SURF6: variants seen among roughly 807,000 people sequenced by gnomAD.
The protein encoded by SURF6 is surfeit 6.
SURF6 carries 28 observed loss-of-function variants against 37.5 expected under a neutral mutation model. That is an observed-to-expected ratio of 0.75 (90% confidence interval 0.55 to 1.02). The LOEUF is 1.02. Ranked by LOEUF, SURF6 falls within the 50% of genes least tolerant of loss-of-function variation. The probability of loss-of-function intolerance (pLI) is 0.00; values close to 1 mark genes in which losing one functional copy is unlikely to be tolerated. For missense variants in SURF6, 560 were observed against 490.5 expected, an observed-to-expected ratio of 1.14 and a Z score of -1.34; for synonymous variants, 248 against 210.9, an observed-to-expected ratio of 1.18 and a Z score of -1.52.
Position 133,331,614 on chromosome 9 carries a change from A to AG in SURF6, c.*254dup. 2.3e-6 allele frequency: 1 copy of AG among 435,820 alleles called. No homozygotes were observed. Among genetic ancestry groups the AG allele is most frequent in the Non-Finnish European group, 3.8e-6 (1 of 262,418 alleles). 27.0% of individuals were successfully genotyped at this position (435,820 alleles called of 1,614,324 possible). A position where few individuals can be genotyped will look rare whatever the true frequency, so the allele number is the denominator to read the frequency against. Reference sequence around the variant, plus strand: ...GCTTTCAGGCCCGGGAAAGCAGACCAGGCCCCAGTCTCCCTCACCCTTTCC... The same window carrying AG: ...GCTTTCAGGCCCGGGAAAGCAGACCAGGGCCCCAGTCTCCCTCACCCTTTCC... On this transcript the variant is annotated 3_prime_UTR_variant, in exon 5 of 5. Transcript: ENST00000372022.
chr9:133,332,642 GC>G lies in SURF6; in HGVS notation c.511del (p.Ala171LeufsTer28). ...CTCCTGGGCCTCCGTGGCCTCCTCAGCCTTCCTGGCCTTCTCTTTCGCCCGC... is the reference window on the plus strand; with the variant it reads ...CTCCTGGGCCTCCGTGGCCTCCTCAGCTTCCTGGCCTTCTCTTTCGCCCGC... ...ELRAKEKARK[A>X]EEATEAQEVV... On this transcript the variant is annotated frameshift_variant, in exon 4 of 5. Transcript: ENST00000372022. LOFTEE classifies it high-confidence loss of function. The G allele has an allele frequency of 6.2e-7, 1 of 1,611,578 alleles. No homozygotes were observed. Among genetic ancestry groups the G allele is most frequent in the Non-Finnish European group, 8.5e-7 (1 of 1,179,990 alleles).
rs1835823923 is a variant in SURF6, at chr9:133,334,488, A to C, written c.208T>G (p.Leu70Val). 1 of 1,614,096 alleles carries C rather than the reference A, an allele frequency of 6.2e-7. No homozygotes were observed. The highest frequency in any genetic ancestry group is 2.2e-5 in the East Asian group (1 of 44,892). The change falls in exon 2 of 5, where the codon TTG becomes GTG. Residue 70 changes from leucine to valine, a missense_variant. Leu to Val is a conservative substitution (Grantham distance 32). Transcript: ENST00000372022. ...EKAAEHKAKS[L>V]GEKSPAASGA... ...GAGGCTGCTGGAGATTTCTCCCCCAAGGACTTGGCCTTGTGCTCAGCAGCC... is the reference window on the plus strand; with the variant it reads ...GAGGCTGCTGGAGATTTCTCCCCCACGGACTTGGCCTTGTGCTCAGCAGCC...
chr9:133,334,856 T>A (rs1451141674), intron 1 of SURF6, among the ~76,000 whole-genome samples: 1 of 152,152 alleles, frequency 6.6e-6, no homozygotes, highest in Non-Finnish European at 1.5e-5. Flanking sequence ...AAAACCTGAA[T>A]ATCCACCTCC....
intron 1 of SURF6, among the ~76,000 whole-genome samples, chr9:133,335,270 T>G (rs919355808): frequency 1.3e-5 from 2 of 151,700 alleles, no homozygotes; most frequent in Non-Finnish European, 2.9e-5. Context: ...TGTTTACATT[T>G]TAAATGGGAG....
chr9:133,331,135 G>T lies in SURF6; in HGVS notation c.*734C>A, dbSNP rs2129908858. 16,560 of 152,168 alleles carry T rather than the reference G, an allele frequency of 0.11. 1,494 individuals are homozygous for T. Among genetic ancestry groups the T allele is most frequent in the African/African-American group, 0.25 (10,412 of 41,462 alleles). 9.4% of individuals were successfully genotyped at this position (152,168 alleles called of 1,614,324 possible). ...GGATTTAATTCTTCCATCCCACTTT[G>T]TATCTTGCATTCACTTCACTCTCTC... On this transcript the variant is annotated 3_prime_UTR_variant, in exon 5 of 5. Transcript: ENST00000372022.
Position 133,331,230 on chromosome 9 carries a change from C to T in SURF6, c.*639G>A, listed in dbSNP as rs947750185. 2.0e-5 allele frequency: 3 copies of T among 152,254 alleles called. No homozygotes were observed. The highest frequency in any genetic ancestry group is 4.4e-5 in the Non-Finnish European group (3 of 68,074). 9.4% of individuals were successfully genotyped at this position (152,254 alleles called of 1,614,324 possible). ...TTGACCCAACTCACATGCGTGGACT[C>T]CGGGAAGGTACTGCTCCCTCCCTCC... On this transcript the variant is annotated 3_prime_UTR_variant, in exon 5 of 5. Transcript: ENST00000372022.
rs2129934088 is a variant in SURF6 at position 133,336,102 on chromosome 9, G to A, written c.31C>T (p.Leu11=). 1 of 1,612,870 alleles carries A rather than the reference G, an allele frequency of 6.2e-7. No homozygotes were observed. Among genetic ancestry groups the A allele is most frequent in the South Asian group, 1.1e-5 (1 of 91,040 alleles). ...CAGATCTTCTTGGCCAGGCTCTGCA[G>A]GTAGGCGTCCTTGGCGAGTAGAGAG... is the stretch of plus-strand genomic sequence containing the variant. MASLLAKDAY[L]QSLAKKICSH... The change falls in exon 1 of 5, where the codon CTG becomes TTG. Residue 11 remains leucine (L), a synonymous_variant. Transcript: ENST00000372022.
Position 133,332,621 on chromosome 9 carries a change from T to A in SURF6, c.533A>T (p.Gln178Leu). 1 of 1,611,060 alleles carries A rather than the reference T, an allele frequency of 6.2e-7. No individual in the cohort carries two copies. The highest frequency in any genetic ancestry group is 8.5e-7 in the Non-Finnish European group (1 of 1,179,990). The stretch of plus-strand genomic sequence containing the variant: ...CTCTGGGGTTGCCTCCACCACCTCC[T>A]GGGCCTCCGTGGCCTCCTCAGCCTT... ...ARKAEEATEA[Q>L]EVVEATPEGA... Residue 178 changes from glutamine to leucine, a missense_variant, in exon 4 of 5, where the codon CAG (glutamine) becomes CTG (leucine). Transcript: ENST00000372022.
At position 133,331,965 on chromosome 9, in the gene SURF6, G is replaced by C. The variant is rs2129913249; in HGVS notation, c.990C>G (p.Arg330=). The change falls in exon 5 of 5, where the codon CGC becomes CGG. Residue 330 remains arginine (R), a synonymous_variant. Transcript: ENST00000372022. ...QRQDRRRQNL[R]RKKAARAERR... Reference sequence around the variant, plus strand: ...GCTCGGCGCGGGCCGCCTTCTTCCTGCGCAGGTTCTGCCGCCGCCGGTCCT... The same window carrying C: ...GCTCGGCGCGGGCCGCCTTCTTCCTCCGCAGGTTCTGCCGCCGCCGGTCCT... The C allele has an allele frequency of 6.3e-7, 1 of 1,595,428 alleles. No homozygotes were observed. The highest frequency in any genetic ancestry group is 1.7e-5 in the Admixed American group (1 of 59,526).
At chr9:133,333,026 A>G (rs1416480939) in intron 3 of SURF6, 18 of 537,014 alleles carry the variant, frequency 3.4e-5, no homozygotes, top group Non-Finnish European at 5.0e-5. Context: ...ATGGTTTCAA[A>G]TGTCATACAT....
intron 2 of SURF6, 65 bp downstream of exon 2, chr9:133,334,327 G>T: frequency 6.8e-7 from 1 of 1,478,046 alleles, no homozygotes. Context: ...GAGCAAAGGG[G>T]ACCAAGCCCA....
chr9:133,332,330 C>A lies in SURF6; in HGVS notation c.625G>T (p.Glu209Ter), dbSNP rs139996844. 4.4e-6 allele frequency: 7 copies of A among 1,582,028 alleles called. No individual in the cohort carries two copies. The East Asian group carries it at 1.6e-4, about 36-fold the overall frequency. ...CTGCGCTGCGCCTTGCTGGCCGGCTCGTCTTCGCTCACCTCCACCTGGGAG... is the reference window on the plus strand; with the variant it reads ...CTGCGCTGCGCCTTGCTGGCCGGCTAGTCTTCGCTCACCTCCACCTGGGAG... ...IFNKVEVSED[E>*]PASKAQRRKE... The change falls in exon 5 of 5, where the codon GAG (glutamate) becomes TAG (stop). Residue 209 changes from glutamate to a stop codon, truncating the protein, a stop_gained. Coordinates refer to ENST00000372022, the MANE Select transcript of SURF6 (RefSeq NM_006753.6). LOFTEE classifies it high-confidence loss of function.
Position 133,331,750 on chromosome 9 carries a change from C to T in SURF6, c.*119G>A, listed in dbSNP as rs1011528259. 2.3e-6 allele frequency: 3 copies of T among 1,326,332 alleles called. No homozygotes were observed. The highest frequency in any genetic ancestry group is 5.5e-5 in the East Asian group (2 of 36,664). 82.2% of individuals were successfully genotyped at this position (1,326,332 alleles called of 1,614,324 possible). ...ACAACTCAGCAGAGCACCACTGTGTCCCCCTCACATGGAGAGGCCGAGGTC... is the reference window on the plus strand; with the variant it reads ...ACAACTCAGCAGAGCACCACTGTGTTCCCCTCACATGGAGAGGCCGAGGTC... On this transcript the variant is annotated 3_prime_UTR_variant, in exon 5 of 5. Transcript: ENST00000372022.
At position 133,329,690 on chromosome 9, in the gene SURF6, AAACT is replaced by A. The variant is rs1835677148; in HGVS notation, c.*2175_*2178del. 1 of 152,422 alleles carries A rather than the reference AAACT, an allele frequency of 6.6e-6. No individual in the cohort carries two copies. The highest frequency in any genetic ancestry group is 1.9e-4 in the East Asian group (1 of 5,200). The allele number at this position is 152,422 out of a possible 1,614,324, so 9.4% of individuals were successfully genotyped here. On this transcript the variant is annotated 3_prime_UTR_variant, in exon 5 of 5. Transcript: ENST00000372022. ...TATTGGAATAAAAGGTAATTGCTAC[AAACT>A]AATGATTAATGATATTCATATGTAA...
chr9:133,331,296 A>C lies in SURF6; in HGVS notation c.*573T>G. 6.6e-6 allele frequency: 1 copy of C among 151,394 alleles called. No homozygotes were observed. The highest frequency in any genetic ancestry group is 1.5e-5 in the Non-Finnish European group (1 of 67,334). 9.4% of individuals were successfully genotyped at this position (151,394 alleles called of 1,614,324 possible). Reference sequence around the variant, plus strand: ...AAATGCCGCCCCGGGGCACTGGGGAACAGAAAGGAATGAGACCCCAACAGG... The same window carrying C: ...AAATGCCGCCCCGGGGCACTGGGGACCAGAAAGGAATGAGACCCCAACAGG... On this transcript the variant is annotated 3_prime_UTR_variant, in exon 5 of 5. Coordinates refer to ENST00000372022, the MANE Select transcript of SURF6 (RefSeq NM_006753.6).
In SURF6 at chr9:133,330,947, T is replaced by G. The variant is rs1042914125; in HGVS notation, c.*922A>C. 11 of 152,234 alleles carry G rather than the reference T, an allele frequency of 7.2e-5. No homozygotes were observed. Among genetic ancestry groups the G allele is most frequent in the Non-Finnish European group, 5.9e-5 (4 of 68,044 alleles). The allele number at this position is 152,234 out of a possible 1,614,324, so 9.4% of individuals were successfully genotyped here. ...TCACAGGGCTTTTTCATCAGTTGCCTCTGTCTGGTAACAGTCACACCAGCT... is the reference window on the plus strand; with the variant it reads ...TCACAGGGCTTTTTCATCAGTTGCCGCTGTCTGGTAACAGTCACACCAGCT... On this transcript the variant is annotated 3_prime_UTR_variant, in exon 5 of 5. Coordinates refer to ENST00000372022, the MANE Select transcript of SURF6 (RefSeq NM_006753.6).
rs2129914617 is a variant in SURF6 at position 133,332,063 on chromosome 9, TCTC to T, written c.889_891del (p.Glu297del). On this transcript the variant is annotated inframe_deletion, in exon 5 of 5. Coordinates refer to ENST00000372022, the MANE Select transcript of SURF6 (RefSeq NM_006753.6). ...CGGCGCTGCCGCTGCGCCCTGCGCTTCTCCTTGCGCTTCAGGGCCTCCTGCAGC... is the reference window on the plus strand; with the variant it reads ...CGGCGCTGCCGCTGCGCCCTGCGCTTCTTGCGCTTCAGGGCCTCCTGCAGC... 1.9e-6 allele frequency: 3 copies of T among 1,606,200 alleles called. No homozygotes were observed. The highest frequency in any genetic ancestry group is 1.7e-5 in the Admixed American group (1 of 60,004).
chr9:133,332,793 C>T (rs2129921499), intron 3 of SURF6, 33 bp from the exon 4 acceptor site: 1 of 1,599,320 alleles, frequency 6.3e-7, no homozygotes, highest in South Asian at 1.1e-5. Flanking sequence ...CATTAAAGTT[C>T]TCTCGATCCC....
rs112470204 is a variant in SURF6, at chr9:133,329,744, G to C, written c.*2125C>G. 1 of 152,236 alleles carries C rather than the reference G, an allele frequency of 6.6e-6. No individual in the cohort carries two copies. The highest frequency in any genetic ancestry group is 1.5e-5 in the Non-Finnish European group (1 of 68,048). 9.4% of individuals were successfully genotyped at this position (152,236 alleles called of 1,614,324 possible). ...ATCATATCTAAGATCTATATCTGCTGTAACTATTCTTGTTTTATATTTTAT... is the reference window on the plus strand; with the variant it reads ...ATCATATCTAAGATCTATATCTGCTCTAACTATTCTTGTTTTATATTTTAT... On this transcript the variant is annotated 3_prime_UTR_variant, in exon 5 of 5. Transcript: ENST00000372022.
Sources: allele counts gnomAD v4.1 joint callset (sites outside exome capture counted in the v4.1 genomes callset), GRCh38; gene constraint gnomAD v4.1.1; transcripts MANE v1.5; gene names NCBI Gene and HGNC (gene_info 2026-07-23, HGNC 2026-07-21).